The following NKAIN3 variants were observed in gnomAD, a reference collection of about 807,000 sequenced individuals.
The protein encoded by NKAIN3 is sodium/potassium transporting ATPase interacting 3.
NKAIN3 carries 25 observed loss-of-function variants against 30.2 expected under a neutral mutation model. That is an observed-to-expected ratio of 0.83 (90% CI 0.60 to 1.16). The LOEUF is 1.16. Ranked by LOEUF, NKAIN3 falls within the 50% of genes most tolerant of loss-of-function variation. The pLI is 0.00. For missense variants in NKAIN3, 225 were observed against 254.1 expected (o/e 0.89, Z 0.78); for synonymous variants, 91 against 89.6 (o/e 1.02, Z -0.09).
intron 3 of NKAIN3, among the ~76,000 whole-genome samples, chr8:62,709,692 T>C (rs1201264310): frequency 1.3e-5 from 2 of 152,154 alleles, no homozygotes; most frequent in Non-Finnish European, 2.9e-5. Flanking sequence ...CATTTATCTT[T>C]TGTATTTATT....
intron 6 of NKAIN3, among the ~76,000 whole-genome samples, chr8:62,959,586 G>A (rs1050563198): frequency 1.1e-4 from 16 of 152,210 alleles, no homozygotes; most frequent in Admixed American, 7.9e-4. Context: ...GAATAACTCT[G>A]TCTTGATACT....
chr8:62,990,068 T>A (rs1337823880), intron 5 of NKAIN3: 2 of 640,592 alleles, frequency 3.1e-6, no homozygotes, highest in Non-Finnish European at 5.4e-6. Context: ...ATATTGACTT[T>A]TATTACACTT....
In NKAIN3 at chr8:62,857,105, G is replaced by A. The variant is rs577465932; in HGVS notation, c.472-61348G>A. On this transcript the variant is annotated intron_variant, in intron 4 of 6. Transcript: ENST00000623646. ...TACATGTTGGCTACTTCTCACTTTG[G>A]TGTAGGGAAGTGACCAACTTGGACC... 1.8e-3 allele frequency: 759 copies of A among 411,170 alleles called. 9 individuals are homozygous for A. The highest frequency in any genetic ancestry group is 0.014 in the South Asian group (720 of 49,944). The allele number at this position is 411,170 out of a possible 1,614,324, so 25.5% of individuals were successfully genotyped here.
intron 3 of NKAIN3, among the ~76,000 whole-genome samples, chr8:62,619,905 A>G (rs996419487): frequency 3.9e-5 from 6 of 152,150 alleles, no homozygotes; most frequent in East Asian, 1.9e-4. Context: ...CAGAAAGAAT[A>G]TGCTATATAC....
At chr8:62,687,430 G>C (rs1813833502) in intron 3 of NKAIN3, among the ~76,000 whole-genome samples, 1 of 152,140 alleles carries the variant, frequency 6.6e-6, no homozygotes, top group Non-Finnish European at 1.5e-5. Context: ...TGCCTGAGTG[G>C]GGATTGTCCC....
intron 1 of NKAIN3, among the ~76,000 whole-genome samples, chr8:62,277,684 G>T (rs1198794657): frequency 5.3e-5 from 8 of 152,162 alleles, no homozygotes; most frequent in Non-Finnish European, 5.9e-5. Flanking sequence ...TGTGAAAAAG[G>T]TTAAGGTAAG....
intron 3 of NKAIN3, among the ~76,000 whole-genome samples, chr8:62,632,204 A>C (rs1052196264): frequency 5.9e-5 from 9 of 152,158 alleles, no homozygotes; most frequent in African/African-American, 2.2e-4. Flanking sequence ...ATATTGATTT[A>C]GTAGATTCCC....
chr8:62,949,338 A>C (rs931078331), intron 5 of NKAIN3, among the ~76,000 whole-genome samples: 3 of 152,192 alleles, frequency 2.0e-5, no homozygotes, highest in African/African-American at 7.2e-5. Context: ...ACAAATAGAA[A>C]AGTTGCTATT....
intron 4 of NKAIN3, among the ~76,000 whole-genome samples, chr8:62,763,214 T>A (rs1816723546): frequency 1.2e-5 from 1 of 80,790 alleles, no homozygotes. Flanking sequence ...AGTGCGAGAC[T>A]CCGTCTCAAA....
chr8:62,260,675 G>T (rs1585607051), intron 1 of NKAIN3, among the ~76,000 whole-genome samples: 1 of 152,156 alleles, frequency 6.6e-6, no homozygotes, highest in Non-Finnish European at 1.5e-5. Context: ...ATGGGCTGGA[G>T]CTGACTCATA....
chr8:62,965,564 T>G lies in NKAIN3; in HGVS notation c.*157T>G, dbSNP rs1440365502. 32 of 983,094 alleles carry G rather than the reference T, an allele frequency of 3.3e-5. No homozygotes were observed. The highest frequency in any genetic ancestry group is 3.9e-5 in the Non-Finnish European group (32 of 829,340). The allele number at this position is 983,094 out of a possible 1,614,324, so 60.9% of individuals were successfully genotyped here. On this transcript the variant is annotated 3_prime_UTR_variant, in exon 7 of 7. Coordinates refer to ENST00000623646, the MANE Select transcript of NKAIN3 (RefSeq NM_001304533.3). ...CATTGTTCTCTAGATGAGTTCTAGG[T>G]GCTTGGGTGGGTATTTTTTTAGTCG...
rs1823795600 is a variant in NKAIN3, at chr8:62,969,939, A to T, written c.*4532A>T. ...ACCAGACACAGTGGCTCATGCCTGT[A>T]ATCCCAAAGCTTTGGGAAGTTGAGA... is the stretch of plus-strand genomic sequence containing the variant. On this transcript the variant is annotated 3_prime_UTR_variant, in exon 7 of 7. Transcript: ENST00000623646. 6.6e-6 allele frequency among the ~76,000 whole-genome samples: 1 copy of T among 152,218 alleles called. No homozygotes were observed. Among genetic ancestry groups the T allele is most frequent in the South Asian group, 2.1e-4 (1 of 4,826 alleles).
At position 62,310,017 on chromosome 8, in the gene NKAIN3, A is replaced by G. The variant is rs546951783; in HGVS notation, c.54+60890A>G. On this transcript the variant is annotated intron_variant, in intron 1 of 6. Coordinates refer to ENST00000623646, the MANE Select transcript of NKAIN3 (RefSeq NM_001304533.3). ...AGAAAAATTCTAAAGTTATTATGTC[A>G]TAAAATAGAATGGTTAATGACACAG... Among the ~76,000 whole-genome samples, 7 of 150,698 alleles carry G rather than the reference A, an allele frequency of 4.6e-5. 3 individuals are homozygous for G. The highest frequency in any genetic ancestry group is 1.7e-4 in the African/African-American group (7 of 40,034).
chr8:62,659,723 C>A (rs1207390134), intron 3 of NKAIN3, among the ~76,000 whole-genome samples: 1 of 152,086 alleles, frequency 6.6e-6, no homozygotes, highest in Non-Finnish European at 1.5e-5. Context: ...TTGGCTGTGT[C>A]CCCACCCAGG....
At chr8:62,348,809 T>A (rs143397397) in intron 1 of NKAIN3, among the ~76,000 whole-genome samples, 5 of 152,192 alleles carry the variant, frequency 3.3e-5, no homozygotes, top group African/African-American at 9.7e-5. Flanking sequence ...TATTTTTAAA[T>A]ATAAGAAAAA....
chr8:62,691,254 G>A (rs184362205), intron 3 of NKAIN3, among the ~76,000 whole-genome samples: 6 of 152,246 alleles, frequency 3.9e-5, no homozygotes, highest in African/African-American at 1.4e-4. Flanking sequence ...GTAGAGAGGT[G>A]CACTGAAAGA....
At chr8:62,881,253 C>T (rs1192983139) in intron 4 of NKAIN3, among the ~76,000 whole-genome samples, 1 of 152,168 alleles carries the variant, frequency 6.6e-6, no homozygotes, top group Non-Finnish European at 1.5e-5. Context: ...AGAATAGTTT[C>T]ATTGCCCTAA....
Position 62,752,804 on chromosome 8 carries a change from G to A in NKAIN3, c.471+5675G>A, listed in dbSNP as rs577883016. Among the ~76,000 whole-genome samples, 16 of 152,190 alleles carry A rather than the reference G, an allele frequency of 1.1e-4. No homozygotes were observed. In the East Asian group the frequency reaches 2.5e-3, roughly 24 times the overall value. ...TTTAGATTTACAAAACCCAAAGTAT[G>A]TAAAATTTTTTTTAATTGGAAGTAA... On this transcript the variant is annotated intron_variant, in intron 4 of 6. Coordinates refer to ENST00000623646, the MANE Select transcript of NKAIN3 (RefSeq NM_001304533.3).
At chr8:62,608,117 TTTC>T (rs1811182117) in intron 3 of NKAIN3, among the ~76,000 whole-genome samples, 2 of 152,008 alleles carry the variant, frequency 1.3e-5, no homozygotes, top group African/African-American at 2.4e-5. Flanking sequence ...ATATACTTTC[TTTC>T]TTCTTCTTTT....
Sources: gnomAD v4.1 joint callset for allele counts (sites outside exome capture counted in the v4.1 genomes callset) on GRCh38, gnomAD v4.1.1 for gene constraint, MANE v1.5 for transcripts, NCBI Gene and HGNC (gene_info 2026-07-23, HGNC 2026-07-21) for gene names.